INIP: variants seen among roughly 807,000 people sequenced by gnomAD.
INIP encodes the protein SOSS complex subunit C.
INIP carries 9 observed loss-of-function variants against 14.0 expected under a neutral mutation model. The observed-to-expected ratio is 0.64, with a 90% CI of 0.39 to 1.12. INIP has a LOEUF of 1.12. INIP is among the 50% of genes most tolerant of loss of function. The pLI, the probability that INIP is intolerant of heterozygous loss-of-function variation, is 0.01. For missense variants in INIP, 78 were observed against 122.7 expected, an observed-to-expected ratio of 0.64 and a Z score of 1.72; for synonymous variants, 37 against 41.5, an observed-to-expected ratio of 0.89 and a Z score of 0.41.
At position 112,687,646 on chromosome 9, in the gene INIP, A is replaced by G; in HGVS notation, c.220-13T>C. The G allele has an allele frequency of 6.8e-7, 1 of 1,474,760 alleles. No individual in the cohort carries two copies. The highest frequency in any genetic ancestry group is 9.3e-7 in the Non-Finnish European group (1 of 1,077,560). 91.4% of individuals were successfully genotyped at this position (1,474,760 alleles called of 1,614,324 possible). On this transcript the variant is annotated splice_polypyrimidine_tract_variant and intron_variant, in intron 4 of 4. Coordinates refer to ENST00000374242, the MANE Select transcript of INIP (RefSeq NM_021218.3). ...GTGCATGAGCATGCTGGGAAAGATT[A>G]AAAACAAAAAGGCAATTAAGCTATT...
intron 2 of INIP, among the ~76,000 whole-genome samples, chr9:112,710,497 G>A (rs1446831981): frequency 6.6e-6 from 1 of 152,152 alleles, no homozygotes; most frequent in East Asian, 1.9e-4. Flanking sequence ...ACCCCAGGTT[G>A]ACAATCTGCC....
At chr9:112,704,845 C>T (rs2131304446) in intron 2 of INIP, among the ~76,000 whole-genome samples, 1 of 152,202 alleles carries the variant, frequency 6.6e-6, no homozygotes, top group African/African-American at 2.4e-5. Context: ...TGCAGTGGTT[C>T]ATGCCTATAA....
At chr9:112,698,496 T>C (rs1838179891) in intron 2 of INIP, among the ~76,000 whole-genome samples, 1 of 152,042 alleles carries the variant, frequency 6.6e-6, no homozygotes, top group African/African-American at 2.4e-5. Context: ...CATATGTAAA[T>C]AATAACTGAA....
Position 112,689,730 on chromosome 9 carries a change from C to T in INIP, c.129-113G>A, listed in dbSNP as rs182246311. On this transcript the variant is annotated intron_variant, in intron 3 of 4. Coordinates refer to ENST00000374242, the MANE Select transcript of INIP (RefSeq NM_021218.3). The stretch of plus-strand genomic sequence containing the variant: ...TAAATTGAGGTATCCTTGACAAAAA[C>T]TGCATATACTTCCAGTGTACAATAT... 3.5e-4 allele frequency: 246 copies of T among 701,644 alleles called. 2 individuals carry two copies. The highest frequency in any genetic ancestry group is 1.9e-3 in the Middle Eastern group (8 of 4,132). The allele number at this position is 701,644 out of a possible 1,614,324, so 43.5% of individuals were successfully genotyped here. A position where few individuals can be genotyped will look rare whatever the true frequency, so the allele number is the denominator to read the frequency against.
rs1379359430 is a variant in INIP at position 112,684,629 on chromosome 9, A to G, written c.*2909T>C. The G allele has an allele frequency of 6.6e-6, 1 of 152,162 alleles. No homozygotes were observed. Among genetic ancestry groups the G allele is most frequent in the Non-Finnish European group, 1.5e-5 (1 of 68,024 alleles). The allele number at this position is 152,162 out of a possible 1,614,324, so 9.4% of individuals were successfully genotyped here. ...GAATATTCATGAGGCAAAACCACCT[A>G]TTTCTATATGCAGTACACTCAGATG... is the stretch of plus-strand genomic sequence containing the variant. On this transcript the variant is annotated 3_prime_UTR_variant, in exon 5 of 5. Coordinates refer to ENST00000374242, the MANE Select transcript of INIP (RefSeq NM_021218.3).
intron 3 of INIP, among the ~76,000 whole-genome samples, chr9:112,691,040 T>C (rs1295966597): frequency 6.6e-6 from 1 of 152,234 alleles, no homozygotes; most frequent in Non-Finnish European, 1.5e-5. Context: ...GCCAATTTTG[T>C]TATATTTCTG....
intron 2 of INIP, 99 bp downstream of exon 2, chr9:112,716,362 C>A (rs1181865165): frequency 1.1e-5 from 12 of 1,087,556 alleles, no homozygotes; most frequent in Non-Finnish European, 1.7e-5. Flanking sequence ...TTTTTAAATT[C>A]TGGCTACAGT....
intron 2 of INIP, among the ~76,000 whole-genome samples, chr9:112,695,865 GAGAAGA>G (rs1162459130): frequency 6.7e-6 from 1 of 150,066 alleles, no homozygotes; most frequent in Non-Finnish European, 1.5e-5. Flanking sequence ...GAAGAAGAAG[GAGAAGA>G]AGAAGGAGAA....
chr9:112,687,407 C>A lies in INIP; in HGVS notation c.*131G>T. ...TTCTTTCAGCTTTCACTTACACATTCCTTTCTTTCAGACAAACAAAAAATA... is the reference window on the plus strand; with the variant it reads ...TTCTTTCAGCTTTCACTTACACATTACTTTCTTTCAGACAAACAAAAAATA... On this transcript the variant is annotated 3_prime_UTR_variant, in exon 5 of 5. Coordinates refer to ENST00000374242, the MANE Select transcript of INIP (RefSeq NM_021218.3). The A allele has an allele frequency of 3.3e-6, 2 of 599,490 alleles. No individual in the cohort carries two copies. Among genetic ancestry groups the A allele is most frequent in the South Asian group, 2.4e-5 (1 of 42,530 alleles). The allele number at this position is 599,490 out of a possible 1,614,324, so 37.1% of individuals were successfully genotyped here. A position where few individuals can be genotyped will look rare whatever the true frequency, so the allele number is the denominator to read the frequency against.
rs1419673603 is a variant in INIP, at chr9:112,687,526, C to T, written c.*12G>A. On this transcript the variant is annotated 3_prime_UTR_variant, in exon 5 of 5. Transcript: ENST00000374242. ...ATATTACAAAGTCACTTTTCCATCG[C>T]AAATGTTTTCTTCATTCTGGGTCAA... 1 of 1,552,882 alleles carries T rather than the reference C, an allele frequency of 6.4e-7. No homozygotes were observed. Among genetic ancestry groups the T allele is most frequent in the Non-Finnish European group, 8.9e-7 (1 of 1,126,286 alleles).
chr9:112,714,232 C>A (rs1262479542), intron 2 of INIP, among the ~76,000 whole-genome samples: 1 of 152,046 alleles, frequency 6.6e-6, no homozygotes, highest in Non-Finnish European at 1.5e-5. Flanking sequence ...TGAGTATACA[C>A]TTTAAGAGTC....
At chr9:112,715,143 C>A (rs10981485) in intron 2 of INIP, among the ~76,000 whole-genome samples, 3 of 120,184 alleles carry the variant, frequency 2.5e-5, no homozygotes, top group African/African-American at 9.5e-5. Flanking sequence ...TACACACACA[C>A]ACACACACAC....
At chr9:112,701,875 C>A (rs1276303948) in intron 2 of INIP, 2 of 151,826 alleles carry the variant, frequency 1.3e-5, no homozygotes, top group African/African-American at 2.4e-5. Context: ...CACAGCGAGA[C>A]CTTGTCTGTA....
At chr9:112,700,742 A>C (rs1411204088) in intron 2 of INIP, among the ~76,000 whole-genome samples, 1 of 151,842 alleles carries the variant, frequency 6.6e-6, no homozygotes, top group Non-Finnish European at 1.5e-5. Context: ...GAAGAGCCTC[A>C]CTTTCAAAAA....
Position 112,707,503 on chromosome 9 carries a change from G to A in INIP, c.25+8958C>T, listed in dbSNP as rs147918428. Among the ~76,000 whole-genome samples, 216 of 148,990 alleles carry A rather than the reference G, an allele frequency of 1.4e-3. 4 individuals are homozygous for A. Among genetic ancestry groups the A allele is most frequent in the African/African-American group, 4.9e-3 (197 of 40,174 alleles). On this transcript the variant is annotated intron_variant, in intron 2 of 4. Transcript: ENST00000374242. ...CCACACGTTTCTTTTTTTTCCTCCC[G>A]CACATTTCTTTTTTTTCCTCCCGCA...
chr9:112,711,658 A>G (rs1354193555), intron 2 of INIP, among the ~76,000 whole-genome samples: 1 of 152,220 alleles, frequency 6.6e-6, no homozygotes. Flanking sequence ...AAAAATAAAG[A>G]GGTCAACAAC....
At chr9:112,694,277 T>C in intron 2 of INIP, 44 bp from the exon 3 acceptor site, 1 of 1,191,288 alleles carries the variant, frequency 8.4e-7, no homozygotes, top group South Asian at 1.3e-5. Context: ...AAAGAGAGAG[T>C]AATCAGAAAC....
intron 2 of INIP, among the ~76,000 whole-genome samples, chr9:112,713,642 T>C (rs1293149738): frequency 6.6e-6 from 1 of 151,076 alleles, no homozygotes; most frequent in Non-Finnish European, 1.5e-5. Context: ...GCAGTGAGCT[T>C]CATCCACCTC....
At chr9:112,688,081 A>G (rs786974) in intron 4 of INIP, among the ~76,000 whole-genome samples, 21,284 of 138,190 alleles carry the variant, frequency 0.15, 2,343 homozygotes, top group African/African-American at 0.31. Context: ...GCGAGACTCC[A>G]TCTCAAATAA....
Sources: gnomAD v4.1 joint callset for allele counts (sites outside exome capture counted in the v4.1 genomes callset) on GRCh38, gnomAD v4.1.1 for gene constraint, MANE v1.5 for transcripts, NCBI Gene and HGNC (gene_info 2026-07-23, HGNC 2026-07-21) for gene names.